Variants in COBLL1 observed in about 807,000 individuals in gnomAD.
COBLL1 encodes the protein cordon-bleu protein-like 1.
In COBLL1, 50 loss-of-function variants were observed where a neutral mutation model predicts 94.8. The ratio of observed to expected loss-of-function variants is 0.53; its 90% CI spans 0.42 to 0.67. COBLL1 has a LOEUF of 0.67. Ranked by LOEUF, COBLL1 falls within the 30% of genes least tolerant of loss-of-function variation. COBLL1 has a pLI of 0.00. For missense variants in COBLL1, 1,362 were observed against 1,348.7 expected, an observed-to-expected ratio of 1.01 and a Z score of -0.15; for synonymous variants, 448 against 473.8, an observed-to-expected ratio of 0.95 and a Z score of 0.71.
At chr2:164,739,456 C>G (rs3769886) in intron 3 of COBLL1, among the ~76,000 whole-genome samples, 9,097 of 152,172 alleles carry the variant, frequency 0.06, 321 homozygotes, top group African/African-American at 0.11. Context: ...GAGTGGGAAA[C>G]TTATTTCTGA....
chr2:164,760,001 T>G (rs1446026307), intron 2 of COBLL1, among the ~76,000 whole-genome samples: 5 of 152,174 alleles, frequency 3.3e-5, no homozygotes, highest in Admixed American at 3.3e-4. Context: ...CACTGCCATA[T>G]AGAACTAAAC....
chr2:164,760,637 A>G (rs534197601), intron 2 of COBLL1, among the ~76,000 whole-genome samples: 60 of 152,340 alleles, frequency 3.9e-4, no homozygotes, highest in African/African-American at 1.4e-3. Context: ...TTGACAACAT[A>G]CTACCATTAT....
At position 164,722,324 on chromosome 2, in the gene COBLL1, G is replaced by A; in HGVS notation, c.760-13C>T. ...GGGCACTTGCAGTCTAGTAAAGAATGACAAAGACAAAATCTAGTAATTTCA... is the reference window on the plus strand; with the variant it reads ...GGGCACTTGCAGTCTAGTAAAGAATAACAAAGACAAAATCTAGTAATTTCA... On this transcript the variant is annotated splice_polypyrimidine_tract_variant and intron_variant, in intron 6 of 13. Coordinates refer to ENST00000652658, the MANE Select transcript of COBLL1 (RefSeq NM_001365672.2). 1 of 1,598,454 alleles carries A rather than the reference G, an allele frequency of 6.3e-7. No homozygotes were observed. The highest frequency in any genetic ancestry group is 1.1e-5 in the South Asian group (1 of 89,516).
intron 2 of COBLL1, among the ~76,000 whole-genome samples, chr2:164,805,287 G>GTCTCTCTCTC (rs543005860): frequency 2.9e-5 from 1 of 34,248 alleles, no homozygotes; most frequent in Non-Finnish European, 5.0e-5. Flanking sequence ...CTCTCTGTCT[G>GTCTCTCTCTC]TCTCTCTCTC....
Position 164,821,093 on chromosome 2 carries a change from T to G in COBLL1, c.41+20063A>C, listed in dbSNP as rs1195734152. 5.3e-5 allele frequency among the ~76,000 whole-genome samples: 8 copies of G among 152,060 alleles called. 1 individual carries two copies. On this transcript the variant is annotated intron_variant, in intron 2 of 13. Transcript: ENST00000652658. ...TAGTAGAGATGGGGTTTCACCATGT[T>G]GGCCAGGATGGTCTCAATCTCCTCA...
intron 11 of COBLL1, chr2:164,696,933 G>A (rs1363664537): frequency 6.6e-6 from 1 of 152,032 alleles, no homozygotes; most frequent in Non-Finnish European, 1.5e-5. Flanking sequence ...AGCCTTGGGG[G>A]TCAAACTGTG....
intron 2 of COBLL1, among the ~76,000 whole-genome samples, chr2:164,817,830 A>G (rs980780628): frequency 3.3e-5 from 5 of 152,146 alleles, no homozygotes; most frequent in African/African-American, 7.2e-5. Context: ...AGGTAATATC[A>G]TATCACTGGG....
chr2:164,679,438 A>T (rs1009963685), downstream of COBLL1, among the ~76,000 whole-genome samples: 6 of 152,220 alleles, frequency 3.9e-5, no homozygotes, highest in East Asian at 1.2e-3. Flanking sequence ...GGAAAAAAAA[A>T]CTTTTTGAAG....
At chr2:164,791,073 A>G (rs1282555943) in intron 2 of COBLL1, among the ~76,000 whole-genome samples, 2 of 152,134 alleles carry the variant, frequency 1.3e-5, no homozygotes, top group Non-Finnish European at 2.9e-5. Context: ...AATGTATTCT[A>G]TACACATACT....
intron 5 of COBLL1, chr2:164,723,389 C>T (rs1427631569): frequency 6.6e-6 from 1 of 152,128 alleles, no homozygotes; most frequent in Admixed American, 6.5e-5. Flanking sequence ...CTCCCTGGCC[C>T]AAATTGGCTA....
chr2:164,691,905 G>A (rs17244444), intron 13 of COBLL1, among the ~76,000 whole-genome samples: 16,465 of 152,030 alleles, frequency 0.11, 1,064 homozygotes, highest in Non-Finnish European at 0.15. Flanking sequence ...GAACAGGAAG[G>A]TGTTTTCCAA....
chr2:164,788,544 T>C (rs1006353426), intron 2 of COBLL1, among the ~76,000 whole-genome samples: 1 of 152,180 alleles, frequency 6.6e-6, no homozygotes, highest in African/African-American at 2.4e-5. Flanking sequence ...GGAGATACTA[T>C]AGTTTAGGCT....
chr2:164,689,651 G>T (rs1331607928), intron 13 of COBLL1, among the ~76,000 whole-genome samples: 1 of 152,078 alleles, frequency 6.6e-6, no homozygotes, highest in African/African-American at 2.4e-5. Flanking sequence ...CATGTCAAGA[G>T]AAAAAATACC....
At position 164,728,045 on chromosome 2, in the gene COBLL1, C is replaced by G. The variant is rs779111471; in HGVS notation, c.585G>C (p.Ser195=). ...LHTLLLKDYQ[S]QEPLDLTKSL... The stretch of plus-strand genomic sequence containing the variant: ...ATTTTGTCAAGTCAAGAGGCTCCTG[C>G]GATTGATAATCTTTCAACAATAGTG... The change falls in exon 5 of 14, where the codon TCG becomes TCC. Residue 195 remains serine, a synonymous_variant. Transcript: ENST00000652658. 6.2e-7 allele frequency: 1 copy of G among 1,613,558 alleles called. No individual in the cohort carries two copies. The highest frequency in any genetic ancestry group is 1.1e-5 in the South Asian group (1 of 91,072).
At position 164,728,046 on chromosome 2, in the gene COBLL1, G is replaced by A. The variant is rs769500786; in HGVS notation, c.584C>T (p.Ser195Leu). The A allele has an allele frequency of 1.4e-5, 23 of 1,613,540 alleles. No individual in the cohort carries two copies. The highest frequency in any genetic ancestry group is 2.2e-5 in the East Asian group (1 of 44,858). The part of the protein sequence containing the change: ...LHTLLLKDYQ[S>L]QEPLDLTKSL... ...TTTTGTCAAGTCAAGAGGCTCCTGC[G>A]ATTGATAATCTTTCAACAATAGTGT... is the stretch of plus-strand genomic sequence containing the variant. Residue 195 changes from serine (S) to leucine (L), a missense_variant, in exon 5 of 14, where the codon TCG becomes TTG. Transcript: ENST00000652658.
At chr2:164,664,890 T>A (rs1411754029) in intron 2 of COBLL1, among the ~76,000 whole-genome samples, 1 of 152,178 alleles carries the variant, frequency 6.6e-6, no homozygotes, top group African/African-American at 2.4e-5. Flanking sequence ...TTAACCTTTA[T>A]GTCCAAAACT....
At position 164,680,437 on chromosome 2, in the gene COBLL1, T is replaced by C. The variant is rs577744763; in HGVS notation, c.*5509A>G. 12 of 152,248 alleles carry C rather than the reference T, an allele frequency of 7.9e-5. No homozygotes were observed. Among genetic ancestry groups the C allele is most frequent in the Admixed American group, 7.9e-4 (12 of 15,284 alleles). The allele number at this position is 152,248 out of a possible 1,614,324, so 9.4% of individuals were successfully genotyped here. ...AAAAAGTTTCTTCACTATGAACCCT[T>C]CAGTGAACTTTTCCCCATTCATAAC... On this transcript the variant is annotated 3_prime_UTR_variant, in exon 14 of 14. Transcript: ENST00000652658.
intron 2 of COBLL1, among the ~76,000 whole-genome samples, chr2:164,658,252 C>T (rs375975764): frequency 4.8e-4 from 73 of 152,204 alleles, no homozygotes; most frequent in Non-Finnish European, 9.6e-4. Context: ...TCTCAGTCCC[C>T]CCTCTCAACA....
chr2:164,685,860 T>C lies in COBLL1; in HGVS notation c.*86A>G, dbSNP rs1683250029. The stretch of plus-strand genomic sequence containing the variant: ...TTAATAGATAATATATTAGTGTACA[T>C]CTGAATATACATTTGCCAAAATGTT... On this transcript the variant is annotated 3_prime_UTR_variant, in exon 14 of 14. Transcript: ENST00000652658. 4.5e-6 allele frequency: 3 copies of C among 673,604 alleles called. No homozygotes were observed. In the Admixed American group the frequency reaches 7.6e-5, roughly 17 times the overall value. 41.7% of individuals were successfully genotyped at this position (673,604 alleles called of 1,614,324 possible). A position where few individuals can be genotyped will look rare whatever the true frequency, so the allele number is the denominator to read the frequency against.
Sources: allele counts gnomAD v4.1 joint callset (sites outside exome capture counted in the v4.1 genomes callset), GRCh38; gene constraint gnomAD v4.1.1; transcripts MANE v1.5; gene names NCBI Gene and HGNC (gene_info 2026-07-23, HGNC 2026-07-21).